Variants in HUWE1 observed in about 807,000 individuals in gnomAD.
HUWE1 encodes E3 ubiquitin-protein ligase HUWE1.
In HUWE1, 18 loss-of-function variants were observed where a neutral mutation model predicts 299.4. That is an observed-to-expected ratio of 0.06 (90% CI 0.04 to 0.09). The LOEUF is 0.09. Ranked by LOEUF, HUWE1 falls within the 10% of genes least tolerant of loss-of-function variation. The pLI is 1.00. For missense variants in HUWE1, 1,832 were observed against 3,462.3 expected (o/e 0.53, Z 11.82); for synonymous variants, 1,317 against 1,286.1 (o/e 1.02, Z -0.51).
intron 63 of HUWE1, among the ~76,000 whole-genome samples, chrX:53,551,905 G>C (rs1569429323): frequency 9.0e-6 from 1 of 111,482 alleles, no homozygotes; most frequent in Non-Finnish European, 1.9e-5. Flanking sequence ...TTCACTGCTT[G>C]CAAGACATGG....
chrX:53,552,846 C>G lies in HUWE1; in HGVS notation c.8542G>C (p.Val2848Leu). The change falls in exon 62 of 84, where the codon GTC becomes CTC. Residue 2848 changes from valine (V) to leucine (L), a missense_variant. Physicochemically the swap from Val to Leu is conservative, Grantham distance 32 (BLOSUM62 1). Coordinates refer to ENST00000262854, the MANE Select transcript of HUWE1 (RefSeq NM_031407.7). ...GGAGAGCCTTCTAGCTGACTGCTGA[C>G]AGCCGTCAGTGCATCAGAATCCTCA... ...RAEDSDALTAVSSQLEGSPMD... is the reference protein window; with the variant it reads ...RAEDSDALTALSSQLEGSPMD... 1 of 1,211,359 alleles carries G rather than the reference C, an allele frequency of 8.3e-7. No individual in the cohort carries two copies. The highest frequency in any genetic ancestry group is 1.1e-6 in the Non-Finnish European group (1 of 895,050).
chrX:53,645,720 GAAAAAA>G (rs1228305226), intron 6 of HUWE1, among the ~76,000 whole-genome samples: 1 of 24,433 alleles, frequency 4.1e-5, no homozygotes, highest in African/African-American at 2.7e-4. Flanking sequence ...CTCAAAAAAA[GAAAAAA>G]AAAAAAAAAA....
intron 3 of HUWE1, among the ~76,000 whole-genome samples, chrX:53,656,200 C>T (rs1371895777): frequency 9.1e-6 from 1 of 109,357 alleles, no homozygotes; most frequent in Non-Finnish European, 1.9e-5. Context: ...ACGGTAAAAC[C>T]CCGTCTCTAC....
intron 60 of HUWE1, among the ~76,000 whole-genome samples, chrX:53,555,636 CTTTTT>C (rs1175050260): frequency 2.7e-5 from 2 of 75,267 alleles, no homozygotes; most frequent in Admixed American, 1.5e-4. Flanking sequence ...CCTTCAAAAT[CTTTTT>C]TTTTTTTTTT....
At chrX:53,594,775 T>G (rs1390681941) in intron 30 of HUWE1, among the ~76,000 whole-genome samples, 154 bp from the exon 31 acceptor site, 1 of 112,018 alleles carries the variant, frequency 8.9e-6, no homozygotes, top group Non-Finnish European at 1.9e-5. Context: ...TATCAGAAAA[T>G]TCAAAATGTT....
intron 78 of HUWE1, 184 bp downstream of exon 78, chrX:53,537,372 C>T: frequency 4.0e-6 from 2 of 503,287 alleles, no homozygotes; most frequent in South Asian, 5.6e-5. Flanking sequence ...AAAGGGCCAG[C>T]CAGCAGGGCA....
At chrX:53,539,320 TAAA>T (rs34154526) in intron 75 of HUWE1, among the ~76,000 whole-genome samples, 16 of 52,834 alleles carry the variant, frequency 3.0e-4, no homozygotes, top group South Asian at 1.5e-3. Context: ...ATTTCTGATT[TAAA>T]AAAAAAAAAA....
chrX:53,542,846 TG>T (rs1556919731), intron 73 of HUWE1: 12 of 11,302 alleles, frequency 1.1e-3, no homozygotes, highest in East Asian at 3.6e-3. Flanking sequence ...CTTCTTCTGT[TG>T]TGTGTGTGTG....
In HUWE1 at chrX:53,571,827, T is replaced by C. The variant is rs1242358326; in HGVS notation, c.6312+1923A>G. On this transcript the variant is annotated intron_variant, in intron 47 of 83. Coordinates refer to ENST00000262854, the MANE Select transcript of HUWE1 (RefSeq NM_031407.7). ...CAGTAAAATGAAAAAACACCAACTG[T>C]TGATCTCCCATATGCTGCTGGTAAT... Among the ~76,000 whole-genome samples, 3 of 111,672 alleles carry C rather than the reference T, an allele frequency of 2.7e-5. No individual in the cohort carries two copies. The Admixed American group carries it at 2.8e-4, about 11-fold the overall frequency.
At chrX:53,673,808 T>C (rs1321253530) in intron 3 of HUWE1, among the ~76,000 whole-genome samples, 2 of 111,692 alleles carry the variant, frequency 1.8e-5, no homozygotes, top group Non-Finnish European at 3.8e-5. Flanking sequence ...GGGATTGTTG[T>C]ATTATTCTCT....
At chrX:53,556,023 G>A (rs2062000245) in intron 60 of HUWE1, among the ~76,000 whole-genome samples, 1 of 112,036 alleles carries the variant, frequency 8.9e-6, no homozygotes, top group Admixed American at 9.5e-5. Context: ...TTACACAGTT[G>A]AAGAATAGCA....
chrX:53,665,476 G>A (rs1019832900), intron 3 of HUWE1, among the ~76,000 whole-genome samples: 42 of 111,851 alleles, frequency 3.8e-4, no homozygotes, highest in African/African-American at 1.4e-3. Flanking sequence ...AGAGGAATCT[G>A]AAACCTCCAA....
At chrX:53,545,595 T>G (rs781799103) in intron 70 of HUWE1, among the ~76,000 whole-genome samples, 214 of 111,806 alleles carry the variant, frequency 1.9e-3, no homozygotes, top group Non-Finnish European at 3.0e-3. Flanking sequence ...AATTAAGAGA[T>G]AATTATATGG....
chrX:53,589,936 G>A, intron 35 of HUWE1, 120 bp from the exon 36 acceptor site: 1 of 777,741 alleles, frequency 1.3e-6, no homozygotes, highest in Non-Finnish European at 1.9e-6. Context: ...TCCTCAAGCG[G>A]TTGATACTTT....
At chrX:53,606,041 C>T (rs1436540418) in intron 25 of HUWE1, among the ~76,000 whole-genome samples, 1 of 111,382 alleles carries the variant, frequency 9.0e-6, no homozygotes, top group African/African-American at 3.3e-5. Flanking sequence ...TCGGATTTGG[C>T]AATGGTTTTG....
At chrX:53,658,160 C>T (rs2068840071) in intron 3 of HUWE1, among the ~76,000 whole-genome samples, 1 of 108,890 alleles carries the variant, frequency 9.2e-6, no homozygotes, top group South Asian at 4.0e-4. Flanking sequence ...AGATATAAAT[C>T]TAACAAAATA....
intron 47 of HUWE1, among the ~76,000 whole-genome samples, chrX:53,570,702 T>C (rs1556950446): frequency 8.9e-6 from 1 of 112,700 alleles, no homozygotes; most frequent in Non-Finnish European, 1.9e-5. Context: ...CAATTCCTTA[T>C]CTTAGAAACA....
At chrX:53,637,362 A>G (rs1407353660) in intron 7 of HUWE1, among the ~76,000 whole-genome samples, 4 of 112,555 alleles carry the variant, frequency 3.6e-5, no homozygotes, top group African/African-American at 9.7e-5. Flanking sequence ...CATCTAGTGA[A>G]GACGAAGACA....
Position 53,538,720 on chromosome X carries a change from A to ACT in HUWE1, c.11878+114_11878+115insAG, listed in dbSNP as rs3834703. ...TGTACACACACACACACACACACACACACACTCTCTCTCTCTCTCTCTCTC... is the reference window on the plus strand; with the variant it reads ...TGTACACACACACACACACACACACACTCACACTCTCTCTCTCTCTCTCTCTC... On this transcript the variant is annotated intron_variant, in intron 76 of 83. Coordinates refer to ENST00000262854, the MANE Select transcript of HUWE1 (RefSeq NM_031407.7). The ACT allele has an allele frequency of 1.6e-3, 894 of 550,537 alleles. 1 individual carries two copies. The highest frequency in any genetic ancestry group is 4.6e-3 in the East Asian group (87 of 18,881). 45.4% of individuals were successfully genotyped at this position (550,537 alleles called of 1,213,427 possible).
Sources: allele counts gnomAD v4.1 joint callset (sites outside exome capture counted in the v4.1 genomes callset), GRCh38; gene constraint gnomAD v4.1.1; transcripts MANE v1.5; gene names NCBI Gene and HGNC (gene_info 2026-07-23, HGNC 2026-07-21).